BNC2: variants seen among roughly 807,000 people sequenced by gnomAD.
The protein encoded by BNC2 is zinc finger protein basonuclin-2.
In BNC2, 20 loss-of-function variants were observed where a neutral mutation model predicts 76.3. That is an observed-to-expected ratio of 0.26 (90% CI 0.18 to 0.38). The LOEUF (loss-of-function observed/expected upper bound fraction) is 0.38. Ranked by LOEUF, BNC2 falls within the 10% of genes least tolerant of loss-of-function variation. The probability of loss-of-function intolerance (pLI) is 1.00; values close to 1 mark genes in which losing one functional copy is unlikely to be tolerated. For missense variants in BNC2, 1,382 were observed against 1,399.8 expected (o/e 0.99, Z 0.20); for synonymous variants, 582 against 514.8 (o/e 1.13, Z -1.77).
intron 1 of BNC2, among the ~76,000 whole-genome samples, chr9:16,820,365 G>T (rs902670772): frequency 2.6e-5 from 4 of 152,066 alleles, no homozygotes; most frequent in Non-Finnish European, 5.9e-5. Flanking sequence ...GGCAGAGGTT[G>T]CAGTGAGCCG....
intron 1 of BNC2, among the ~76,000 whole-genome samples, chr9:16,768,332 T>A (rs1479302359): frequency 6.6e-6 from 1 of 151,950 alleles, no homozygotes; most frequent in African/African-American, 2.4e-5. Context: ...GGTAGGGAAG[T>A]TATGAGAGAT....
chr9:16,811,779 GA>G (rs942381064), intron 1 of BNC2, among the ~76,000 whole-genome samples: 4 of 152,252 alleles, frequency 2.6e-5, no homozygotes, highest in Admixed American at 2.6e-4. Context: ...AGGAAAAGAA[GA>G]GCCCCTAGTG....
chr9:16,784,463 A>G (rs1240655837), intron 1 of BNC2, among the ~76,000 whole-genome samples: 2 of 152,250 alleles, frequency 1.3e-5, no homozygotes, highest in African/African-American at 4.8e-5. Context: ...AAAAGACTGC[A>G]AAATAAGAGG....
chr9:16,817,486 T>C (rs573963042), intron 1 of BNC2, among the ~76,000 whole-genome samples: 1 of 152,302 alleles, frequency 6.6e-6, no homozygotes, highest in African/African-American at 2.4e-5. Context: ...AATTCAAACA[T>C]CTTGGACAAT....
chr9:16,807,656 T>TA (rs1476237059), intron 1 of BNC2, among the ~76,000 whole-genome samples: 1 of 152,172 alleles, frequency 6.6e-6, no homozygotes, highest in Non-Finnish European at 1.5e-5. Flanking sequence ...AGAAGACACT[T>TA]AATTCCTGCT....
intron 5 of BNC2, among the ~76,000 whole-genome samples, chr9:16,507,250 CTTTTTTTTTT>C (rs36072200): frequency 1.2e-5 from 1 of 83,168 alleles, no homozygotes; most frequent in East Asian, 4.2e-4. Context: ...TGTCCATTTG[CTTTTTTTTTT>C]TTTTTTTTTT....
chr9:16,430,093 G>A (rs1246797849), intron 6 of BNC2: 15 of 454,160 alleles, frequency 3.3e-5, no homozygotes, highest in South Asian at 1.1e-4. Context: ...TACTCAGGAG[G>A]GGGATGTATT....
intron 5 of BNC2, among the ~76,000 whole-genome samples, chr9:16,533,447 A>G (rs1490983874): frequency 6.6e-6 from 1 of 152,214 alleles, no homozygotes; most frequent in African/African-American, 2.4e-5. Context: ...ATAAAGCATA[A>G]AAGAGAAATA....
rs889762379 is a variant in BNC2, at chr9:16,435,822, T to C, written c.2372A>G (p.Tyr791Cys). The C allele has an allele frequency of 1.3e-5, 21 of 1,614,154 alleles. No individual in the cohort carries two copies. The African/African-American group carries it at 2.1e-4, about 16-fold the overall frequency. Residue 791 changes from tyrosine to cysteine, a missense_variant, in exon 6 of 7, where the codon TAT (tyrosine) becomes TGT (cysteine). By Grantham distance (194) the Tyr-to-Cys change is radical (BLOSUM62 -2). Transcript: ENST00000380672. Reference sequence around the variant, plus strand: ...GGCACCCCCACCATTGTACAGTCCATACTGGCTCATGTAAAACATGTCGTA... The same window carrying C: ...GGCACCCCCACCATTGTACAGTCCACACTGGCTCATGTAAAACATGTCGTA... Reference protein sequence around the residue: ...PTYDMFYMSQYGLYNGGGASM... With the variant: ...PTYDMFYMSQCGLYNGGGASM...
At chr9:16,545,372 C>T (rs923835533) in intron 5 of BNC2, among the ~76,000 whole-genome samples, 4 of 152,168 alleles carry the variant, frequency 2.6e-5, no homozygotes, top group African/African-American at 9.7e-5. Flanking sequence ...GCAAGTGGTA[C>T]TACTAAGTGC....
intron 3 of BNC2, among the ~76,000 whole-genome samples, chr9:16,718,423 C>T (rs1036713551): frequency 2.6e-5 from 4 of 152,148 alleles, no homozygotes; most frequent in African/African-American, 9.7e-5. Flanking sequence ...GGACTGGTAA[C>T]ATATTTTAAG....
At chr9:16,781,615 G>C (rs1826156965) in intron 1 of BNC2, among the ~76,000 whole-genome samples, 1 of 152,058 alleles carries the variant, frequency 6.6e-6, no homozygotes, top group Non-Finnish European at 1.5e-5. Flanking sequence ...AGTGCTGAAA[G>C]GAAATATGAA....
chr9:16,669,985 CAT>C (rs556013724), intron 3 of BNC2, among the ~76,000 whole-genome samples: 5 of 152,148 alleles, frequency 3.3e-5, no homozygotes, highest in Non-Finnish European at 7.3e-5. Flanking sequence ...AATTTAAAAA[CAT>C]ATAATAATTG....
chr9:16,620,994 C>T (rs1563867277), intron 3 of BNC2, among the ~76,000 whole-genome samples: 1 of 152,206 alleles, frequency 6.6e-6, no homozygotes. Flanking sequence ...TCTGGTTCCG[C>T]TGTTGTCACA....
intron 3 of BNC2, among the ~76,000 whole-genome samples, chr9:16,609,583 A>ATGT (rs1296023316): frequency 7.9e-5 from 12 of 152,206 alleles, no homozygotes; most frequent in Non-Finnish European, 1.3e-4. Context: ...ATGCTTCCTT[A>ATGT]TGTTACAGGT....
intron 5 of BNC2, among the ~76,000 whole-genome samples, chr9:16,438,812 G>A (rs1004041974): frequency 1.3e-5 from 2 of 152,094 alleles, no homozygotes; most frequent in African/African-American, 4.8e-5. Flanking sequence ...ACCACCGTGA[G>A]TAGAAATCAC....
rs76286078 is a variant in BNC2 at position 16,535,053 on chromosome 9, T to C, written c.669+17477A>G. Among the ~76,000 whole-genome samples, 1,150 of 152,320 alleles carry C rather than the reference T, an allele frequency of 7.5e-3. 6 individuals carry two copies. Among genetic ancestry groups the C allele is most frequent in the Non-Finnish European group, 0.011 (775 of 68,020 alleles). The stretch of plus-strand genomic sequence containing the variant: ...CCAAATTTTTAACTTTTGTCACAAT[T>C]GACATTTCTACATATAAAAATAATC... On this transcript the variant is annotated intron_variant, in intron 5 of 6. Transcript: ENST00000380672.
chr9:16,678,292 T>C (rs1407889946), intron 3 of BNC2, among the ~76,000 whole-genome samples: 1 of 139,762 alleles, frequency 7.2e-6, no homozygotes, highest in Non-Finnish European at 1.5e-5. Context: ...TTTTTTTTTT[T>C]TTTTGAGACA....
intron 5 of BNC2, among the ~76,000 whole-genome samples, chr9:16,449,666 A>T (rs1044193502): frequency 2.0e-5 from 3 of 152,218 alleles, no homozygotes; most frequent in Non-Finnish European, 2.9e-5. Context: ...AATAAAAATA[A>T]AAAGGCTTTG....
Sources: gnomAD v4.1 joint callset for allele counts (sites outside exome capture counted in the v4.1 genomes callset) on GRCh38, gnomAD v4.1.1 for gene constraint, MANE v1.5 for transcripts, NCBI Gene and HGNC (gene_info 2026-07-23, HGNC 2026-07-21) for gene names.